Variants in CNTNAP2 observed in about 807,000 individuals in gnomAD.
CNTNAP2 encodes contactin associated protein 2.
In CNTNAP2, 98 loss-of-function variants were observed where a neutral mutation model predicts 155.2. That is an observed-to-expected ratio of 0.63 (90% confidence interval 0.54 to 0.75). The LOEUF (loss-of-function observed/expected upper bound fraction) is 0.75, where lower values mean the gene tolerates loss of function less well. CNTNAP2 is among the 30% of genes least tolerant of loss of function. CNTNAP2 has a pLI of 0.00. For missense variants in CNTNAP2, 1,727 were observed against 1,688.1 expected (o/e 1.02, Z -0.40); for synonymous variants, 651 against 631.2 (o/e 1.03, Z -0.47).
intron 3 of CNTNAP2, among the ~76,000 whole-genome samples, chr7:146,992,402 A>G (rs1293839815): frequency 2.0e-5 from 3 of 152,212 alleles, no homozygotes; most frequent in Non-Finnish European, 2.9e-5. Context: ...TTGTCACACA[A>G]CCATGAAAAA....
In CNTNAP2 at chr7:147,464,905, A is replaced by G. The variant is rs1392910054; in HGVS notation, c.1671-21030A>G. Reference sequence around the variant, plus strand: ...ACAATCTTCATGGCCAAGAGGCTCAATTATAATGATTCTCTCCTGATATGT... The same window carrying G: ...ACAATCTTCATGGCCAAGAGGCTCAGTTATAATGATTCTCTCCTGATATGT... On this transcript the variant is annotated intron_variant, in intron 10 of 23. Coordinates refer to ENST00000361727, the MANE Select transcript of CNTNAP2 (RefSeq NM_014141.6). Among the ~76,000 whole-genome samples the G allele has an allele frequency of 2.6e-5, 4 of 152,236 alleles. No homozygotes were observed. The East Asian group carries it at 7.7e-4, about 29-fold the overall frequency.
chr7:148,207,864 G>A (rs981461736), intron 18 of CNTNAP2, among the ~76,000 whole-genome samples: 1 of 152,012 alleles, frequency 6.6e-6, no homozygotes, highest in East Asian at 1.9e-4. Context: ...TTGGGAGGCC[G>A]AGGCGGGCGG....
At chr7:146,350,984 G>A (rs1462356718) in intron 1 of CNTNAP2, among the ~76,000 whole-genome samples, 1 of 139,204 alleles carries the variant, frequency 7.2e-6, no homozygotes, top group South Asian at 2.3e-4. Context: ...AACAATGAGA[G>A]CACATGAACA....
At chr7:147,182,193 G>T (rs1379194312) in intron 8 of CNTNAP2, among the ~76,000 whole-genome samples, 1 of 149,628 alleles carries the variant, frequency 6.7e-6, no homozygotes, top group African/African-American at 2.5e-5. Flanking sequence ...CAAAAGCAAA[G>T]TTCTTTGTCT....
At chr7:146,540,243 A>G (rs550622772) in intron 1 of CNTNAP2, among the ~76,000 whole-genome samples, 8 of 152,206 alleles carry the variant, frequency 5.3e-5, no homozygotes, top group Non-Finnish European at 1.2e-4. Context: ...ATTGTTTAAT[A>G]TAGGGTCAGA....
chr7:147,190,230 T>A (rs747211001), intron 8 of CNTNAP2, among the ~76,000 whole-genome samples: 1 of 152,212 alleles, frequency 6.6e-6, no homozygotes, highest in Admixed American at 6.5e-5. Flanking sequence ...AGAGGCCGAA[T>A]TCATCTTCCT....
intron 8 of CNTNAP2, among the ~76,000 whole-genome samples, chr7:147,232,771 G>T (rs1033941703): frequency 6.8e-6 from 1 of 147,422 alleles, no homozygotes; most frequent in Non-Finnish European, 1.5e-5. Flanking sequence ...ATTGATCTTG[G>T]TAATGACTTT....
At chr7:146,597,586 G>T (rs1798882307) in intron 1 of CNTNAP2, among the ~76,000 whole-genome samples, 2 of 151,740 alleles carry the variant, frequency 1.3e-5, no homozygotes, top group African/African-American at 4.8e-5. Flanking sequence ...CTAATCCTTT[G>T]TCTTCCCAGA....
chr7:146,356,368 A>C (rs1388581165), intron 1 of CNTNAP2, among the ~76,000 whole-genome samples: 1 of 152,058 alleles, frequency 6.6e-6, no homozygotes, highest in Non-Finnish European at 1.5e-5. Context: ...TCCCCATTTC[A>C]TATCCTTATT....
intron 1 of CNTNAP2, among the ~76,000 whole-genome samples, chr7:146,270,899 T>C (rs1206035713): frequency 2.6e-5 from 4 of 152,156 alleles, no homozygotes; most frequent in Non-Finnish European, 5.9e-5. Context: ...CAAACATTTC[T>C]TGAATACCTA....
At chr7:148,096,279 ATGTGTGTG>A (rs3056207) in intron 15 of CNTNAP2, among the ~76,000 whole-genome samples, 2,078 of 144,782 alleles carry the variant, frequency 0.014, 36 homozygotes, top group South Asian at 0.049. Flanking sequence ...GCATGCATGC[ATGTGTGTG>A]TGTGTGTGTG....
intron 1 of CNTNAP2, among the ~76,000 whole-genome samples, chr7:146,137,065 A>T (rs878860318): frequency 2.0e-5 from 3 of 152,190 alleles, no homozygotes; most frequent in African/African-American, 7.2e-5. Flanking sequence ...CAAATGATCC[A>T]TATCAACTAC....
At chr7:147,801,314 T>TG (rs1252020149) in intron 13 of CNTNAP2, among the ~76,000 whole-genome samples, 3 of 150,856 alleles carry the variant, frequency 2.0e-5, no homozygotes, top group Non-Finnish European at 4.4e-5. Context: ...ATGAAGTTTT[T>TG]TTTTTTTTTT....
chr7:148,150,504 C>A (rs1018986620), intron 17 of CNTNAP2, among the ~76,000 whole-genome samples: 2 of 151,872 alleles, frequency 1.3e-5, no homozygotes, highest in Non-Finnish European at 2.9e-5. Context: ...GCCGAGATCG[C>A]GCCACTGTAC....
chr7:148,120,641 T>C (rs184068120), intron 16 of CNTNAP2, among the ~76,000 whole-genome samples: 83 of 152,332 alleles, frequency 5.4e-4, no homozygotes, highest in African/African-American at 1.7e-3. Flanking sequence ...ATGAAAACCA[T>C]GTGGCCCATG....
chr7:147,854,965 C>T (rs1431647980), intron 13 of CNTNAP2, among the ~76,000 whole-genome samples: 2 of 151,996 alleles, frequency 1.3e-5, no homozygotes, highest in Non-Finnish European at 2.9e-5. Context: ...TATAAAATAG[C>T]CCATTTATAA....
At chr7:146,565,033 C>A (rs1798336359) in intron 1 of CNTNAP2, among the ~76,000 whole-genome samples, 1 of 152,048 alleles carries the variant, frequency 6.6e-6, no homozygotes, top group Non-Finnish European at 1.5e-5. Context: ...TATAATATTT[C>A]AGTCTGCTTT....
chr7:148,301,364 TAA>T (rs5888317), intron 21 of CNTNAP2, among the ~76,000 whole-genome samples: 4 of 135,742 alleles, frequency 2.9e-5, no homozygotes, highest in African/African-American at 1.1e-4. Context: ...TTTTACTGCA[TAA>T]AAAAAAAAAA....
intron 1 of CNTNAP2, among the ~76,000 whole-genome samples, chr7:146,258,724 G>A (rs1799876652): frequency 6.6e-6 from 1 of 152,114 alleles, no homozygotes. Flanking sequence ...CGAATATAAA[G>A]CCAATCAATC....
Sources: gnomAD v4.1 joint callset for allele counts (sites outside exome capture counted in the v4.1 genomes callset) on GRCh38, gnomAD v4.1.1 for gene constraint, MANE v1.5 for transcripts, NCBI Gene and HGNC (gene_info 2026-07-23, HGNC 2026-07-21) for gene names.